The following GTF2F2 variants were observed in gnomAD, a reference collection of about 807,000 sequenced individuals.
The protein encoded by GTF2F2 is general transcription factor IIF subunit 2.
Under a neutral mutation model 42.2 loss-of-function variants are expected in GTF2F2, and 23 were observed. The observed-to-expected ratio is 0.55, with a 90% confidence interval of 0.39 to 0.77. GTF2F2 has a LOEUF of 0.77. Ranked by LOEUF, GTF2F2 falls within the 30% of genes least tolerant of loss-of-function variation. GTF2F2 has a pLI of 0.00. For synonymous variants in GTF2F2, 105 were observed against 100.8 expected (o/e 1.04, Z -0.25); for missense variants, 261 against 287.2 (o/e 0.91, Z 0.66).
chr13:45,127,093 G>C (rs918955029), intron 1 of GTF2F2, among the ~76,000 whole-genome samples: 2 of 152,088 alleles, frequency 1.3e-5, no homozygotes, highest in Non-Finnish European at 2.9e-5. Context: ...TAATAGGCCG[G>C]GACTTCTGGG....
intron 7 of GTF2F2, among the ~76,000 whole-genome samples, chr13:45,269,128 G>C (rs1408973879): frequency 6.6e-6 from 1 of 152,140 alleles, no homozygotes; most frequent in Non-Finnish European, 1.5e-5. Flanking sequence ...ATTATTTAGA[G>C]ACTAAATTGC....
At position 45,149,808 on chromosome 13, in the gene GTF2F2, A is replaced by G; in HGVS notation, c.159+20A>G. The G allele has an allele frequency of 6.7e-7, 1 of 1,492,968 alleles. No individual in the cohort carries two copies. The highest frequency in any genetic ancestry group is 1.4e-5 in the African/African-American group (1 of 70,290). The allele number at this position is 1,492,968 out of a possible 1,614,324, so 92.5% of individuals were successfully genotyped here. A position where few individuals can be genotyped will look rare whatever the true frequency, so the allele number is the denominator to read the frequency against. ...ACTGAGGTAAGATTATTTATATGGAAATTTTAGTTAAAACTTGAGACTATC... is the reference window on the plus strand; with the variant it reads ...ACTGAGGTAAGATTATTTATATGGAGATTTTAGTTAAAACTTGAGACTATC... On this transcript the variant is annotated intron_variant, in intron 3 of 7. Transcript: ENST00000340473.
Position 45,148,226 on chromosome 13 carries a change from T to A in GTF2F2, c.141-1544T>A, listed in dbSNP as rs753844595. 4.1e-4 allele frequency among the ~76,000 whole-genome samples: 63 copies of A among 152,336 alleles called. 1 individual carries two copies. Among genetic ancestry groups the A allele is most frequent in the Middle Eastern group, 3.4e-3 (1 of 294 alleles). On this transcript the variant is annotated intron_variant, in intron 2 of 7. Transcript: ENST00000340473. Reference sequence around the variant, plus strand: ...ATCTCTAGTCACCTTTAGTCTACTCTGTATATATTTTCTAGTGCAAGTTTC... The same window carrying A: ...ATCTCTAGTCACCTTTAGTCTACTCAGTATATATTTTCTAGTGCAAGTTTC...
intron 7 of GTF2F2, among the ~76,000 whole-genome samples, chr13:45,279,648 C>G (rs1191349218): frequency 2.6e-5 from 4 of 152,120 alleles, no homozygotes; most frequent in African/African-American, 4.8e-5. Context: ...TGGCTCATGC[C>G]TGTAATCCTA....
Position 45,170,598 on chromosome 13 carries a change from GTCTT to G in GTF2F2, c.304+18771_304+18774del, listed in dbSNP as rs1180379988. 9.2e-5 allele frequency among the ~76,000 whole-genome samples: 14 copies of G among 152,116 alleles called. No individual in the cohort carries two copies. In the East Asian group the frequency reaches 2.5e-3, roughly 27 times the overall value. On this transcript the variant is annotated intron_variant, in intron 4 of 7. Transcript: ENST00000340473. ...CACAGAATATTTTCCCCTTGAAACT[GTCTT>G]TCTGAGTAAATTATATTCTAATGGA...
intron 4 of GTF2F2, among the ~76,000 whole-genome samples, chr13:45,159,916 GCATT>G (rs1870952770): frequency 6.6e-6 from 1 of 152,206 alleles, no homozygotes; most frequent in Non-Finnish European, 1.5e-5. Context: ...GTGCTTATAA[GCATT>G]CAAAGTACTT....
At chr13:45,273,522 TATTTATA>T (rs1164530336) in intron 7 of GTF2F2, among the ~76,000 whole-genome samples, 1 of 152,134 alleles carries the variant, frequency 6.6e-6, no homozygotes, top group African/African-American at 2.4e-5. Flanking sequence ...ATTTGGTATT[TATTTATA>T]TAGAATTTAC....
chr13:45,254,115 A>G (rs1755932707), intron 6 of GTF2F2, among the ~76,000 whole-genome samples: 1 of 151,896 alleles, frequency 6.6e-6, no homozygotes, highest in African/African-American at 2.4e-5. Context: ...ACAGAACACC[A>G]AGATATTTTG....
At position 45,181,191 on chromosome 13, in the gene GTF2F2, A is replaced by AAC. The variant is rs1372548415; in HGVS notation, c.305-26232_305-26231insCA. Among the ~76,000 whole-genome samples, 864 of 135,080 alleles carry AAC rather than the reference A, an allele frequency of 6.4e-3. 29 individuals are homozygous for AAC. Among genetic ancestry groups the AAC allele is most frequent in the African/African-American group, 0.028 (826 of 29,542 alleles). The allele number at this position is 135,080 out of a possible 152,430, so 88.6% of individuals were successfully genotyped here. On this transcript the variant is annotated intron_variant, in intron 4 of 7. Transcript: ENST00000340473. The stretch of plus-strand genomic sequence containing the variant: ...CAAAAGACAAAAAAACAAACAAACA[A>AAC]AAAAAAAAAAAACCAGAAAAACCAA...
intron 5 of GTF2F2, among the ~76,000 whole-genome samples, chr13:45,226,222 A>G (rs1174197085): frequency 6.6e-6 from 1 of 152,148 alleles, no homozygotes; most frequent in East Asian, 1.9e-4. Flanking sequence ...TGTATTACCT[A>G]ACCAAAAGGA....
intron 4 of GTF2F2, among the ~76,000 whole-genome samples, chr13:45,152,614 A>G (rs1280163769): frequency 1.3e-5 from 2 of 152,216 alleles, no homozygotes; most frequent in Admixed American, 6.5e-5. Flanking sequence ...TTGCATAGAG[A>G]TAACTTTTAA....
At chr13:45,174,613 T>G (rs1871771202) in intron 4 of GTF2F2, among the ~76,000 whole-genome samples, 1 of 151,050 alleles carries the variant, frequency 6.6e-6, no homozygotes, top group African/African-American at 2.4e-5. Context: ...GAGTTTTTCA[T>G]GGAGCACTGT....
At chr13:45,189,998 T>C (rs900994167) in intron 4 of GTF2F2, among the ~76,000 whole-genome samples, 1 of 152,080 alleles carries the variant, frequency 6.6e-6, no homozygotes, top group African/African-American at 2.4e-5. Flanking sequence ...AAAGCCAAAA[T>C]AGACAAATGG....
At chr13:45,209,187 A>G (rs910488986) in intron 5 of GTF2F2, among the ~76,000 whole-genome samples, 1 of 152,228 alleles carries the variant, frequency 6.6e-6, no homozygotes, top group Non-Finnish European at 1.5e-5. Context: ...TGCACTATAT[A>G]AGGACATTTG....
At chr13:45,229,673 G>C (rs1290738053) in intron 5 of GTF2F2, among the ~76,000 whole-genome samples, 1 of 152,132 alleles carries the variant, frequency 6.6e-6, no homozygotes, top group Non-Finnish European at 1.5e-5. Flanking sequence ...ATGTTAGAGA[G>C]CTGTCGACAG....
At chr13:45,209,157 G>A (rs1305320449) in intron 5 of GTF2F2, among the ~76,000 whole-genome samples, 1 of 152,182 alleles carries the variant, frequency 6.6e-6, no homozygotes. Flanking sequence ...TATGCTGAAA[G>A]ATCAGCTGTT....
intron 4 of GTF2F2, among the ~76,000 whole-genome samples, chr13:45,170,441 G>A (rs181908584): frequency 4.4e-4 from 67 of 152,316 alleles, no homozygotes; most frequent in African/African-American, 1.6e-3. Context: ...GCAAATAAAA[G>A]CTTTTGTGGA....
chr13:45,189,380 T>C (rs1872544546), intron 4 of GTF2F2, among the ~76,000 whole-genome samples: 1 of 152,236 alleles, frequency 6.6e-6, no homozygotes, highest in Non-Finnish European at 1.5e-5. Flanking sequence ...CATGTGTCTT[T>C]ATAGCAGCAT....
chr13:45,263,231 A>ATT (rs767279492), intron 6 of GTF2F2, among the ~76,000 whole-genome samples: 1 of 145,036 alleles, frequency 6.9e-6, no homozygotes, highest in Non-Finnish European at 1.5e-5. Context: ...TTCAGACTAA[A>ATT]TTTTTTTTTT....
Sources: allele counts gnomAD v4.1 joint callset (sites outside exome capture counted in the v4.1 genomes callset), GRCh38; gene constraint gnomAD v4.1.1; transcripts MANE v1.5; gene names NCBI Gene and HGNC (gene_info 2026-07-23, HGNC 2026-07-21).